The following NCALD variants were observed in gnomAD, a reference collection of about 807,000 sequenced individuals.
The protein encoded by NCALD is neurocalcin delta, also known as neurocalcin-delta.
In NCALD, 10 loss-of-function variants were observed where a neutral mutation model predicts 18.6. The observed-to-expected ratio is 0.54, with a 90% CI of 0.33 to 0.91. The LOEUF (loss-of-function observed/expected upper bound fraction) is 0.91, where lower values mean the gene tolerates loss of function less well. Ranked by LOEUF, NCALD falls within the 40% of genes least tolerant of loss-of-function variation. NCALD has a pLI of 0.03. For synonymous variants in NCALD, 88 were observed against 87.4 expected, an observed-to-expected ratio of 1.01 and a Z score of -0.04; for missense variants, 184 against 247.6, an observed-to-expected ratio of 0.74 and a Z score of 1.72.
chr8:102,000,690 T>C (rs546109236), intron 2 of NCALD, among the ~76,000 whole-genome samples: 1 of 152,304 alleles, frequency 6.6e-6, no homozygotes, highest in Non-Finnish European at 1.5e-5. Context: ...TCCAGAGGAA[T>C]GATCAGGCAA....
intron 3 of NCALD, among the ~76,000 whole-genome samples, chr8:101,893,568 C>T (rs1183211197): frequency 2.4e-5 from 3 of 125,010 alleles, no homozygotes; most frequent in Admixed American, 8.1e-5. Context: ...CACAGACTGG[C>T]AAATTGGATA....
At chr8:101,856,728 T>TA (rs1485163271) in intron 4 of NCALD, among the ~76,000 whole-genome samples, 1 of 152,128 alleles carries the variant, frequency 6.6e-6, no homozygotes, top group Non-Finnish European at 1.5e-5. Flanking sequence ...TCATCCTACT[T>TA]ACCCAGCCCC....
At chr8:101,894,061 A>C (rs992265483) in intron 3 of NCALD, among the ~76,000 whole-genome samples, 1 of 147,056 alleles carries the variant, frequency 6.8e-6, no homozygotes, top group African/African-American at 2.7e-5. Flanking sequence ...CAGAATATAC[A>C]TTTTTTTCAG....
At chr8:101,760,476 G>A (rs568573051) in intron 1 of NCALD, among the ~76,000 whole-genome samples, 1 of 152,286 alleles carries the variant, frequency 6.6e-6, no homozygotes, top group East Asian at 1.9e-4. Context: ...TAAAGTAAAT[G>A]CAAACTGACG....
At chr8:101,938,349 T>G (rs1818837547) in intron 2 of NCALD, among the ~76,000 whole-genome samples, 1 of 152,166 alleles carries the variant, frequency 6.6e-6, no homozygotes, top group South Asian at 2.1e-4. Context: ...TATGCCCACT[T>G]AAGAGATAGT....
At chr8:101,843,023 C>T (rs1814708374) in intron 4 of NCALD, among the ~76,000 whole-genome samples, 1 of 152,180 alleles carries the variant, frequency 6.6e-6, no homozygotes, top group Non-Finnish European at 1.5e-5. Flanking sequence ...TTCCCCTATC[C>T]TACTGATTAG....
At chr8:101,949,908 A>G (rs1819323866) in intron 2 of NCALD, among the ~76,000 whole-genome samples, 1 of 152,226 alleles carries the variant, frequency 6.6e-6, no homozygotes, top group African/African-American at 2.4e-5. Context: ...TCCAACAATC[A>G]TCCAGACTGA....
intron 1 of NCALD, among the ~76,000 whole-genome samples, chr8:102,055,945 A>G (rs1823635779): frequency 6.6e-6 from 1 of 152,214 alleles, no homozygotes; most frequent in Admixed American, 6.5e-5. Flanking sequence ...CATGGTCGGC[A>G]CAAAACAAAC....
At chr8:101,809,878 A>C (rs1813242727) in intron 4 of NCALD, among the ~76,000 whole-genome samples, 1 of 152,152 alleles carries the variant, frequency 6.6e-6, no homozygotes, top group East Asian at 1.9e-4. Flanking sequence ...TTTCAAGACC[A>C]TGAATCTCTC....
intron 1 of NCALD, among the ~76,000 whole-genome samples, chr8:102,115,460 C>A (rs972735972): frequency 6.6e-6 from 1 of 152,176 alleles, no homozygotes; most frequent in Non-Finnish European, 1.5e-5. Flanking sequence ...CCAGTTAATG[C>A]GATCAATGCA....
intron 1 of NCALD, among the ~76,000 whole-genome samples, chr8:101,734,810 T>C (rs572625789): frequency 1.4e-4 from 22 of 152,350 alleles, no homozygotes; most frequent in Non-Finnish European, 2.8e-4. Flanking sequence ...CCACAGTGTT[T>C]TCTAACTCCA....
intron 4 of NCALD, among the ~76,000 whole-genome samples, chr8:101,822,714 C>A (rs945832595): frequency 1.3e-5 from 2 of 152,204 alleles, no homozygotes; most frequent in Non-Finnish European, 2.9e-5. Context: ...GTAATTCCAG[C>A]AGGCAGAAAC....
chr8:102,031,192 G>C (rs149292037), intron 1 of NCALD, among the ~76,000 whole-genome samples: 3 of 152,238 alleles, frequency 2.0e-5, no homozygotes, highest in Admixed American at 6.5e-5. Flanking sequence ...GAAATGTACC[G>C]TAAGATTGCA....
chr8:101,965,672 G>A (rs1819999153), intron 2 of NCALD, among the ~76,000 whole-genome samples: 1 of 152,118 alleles, frequency 6.6e-6, no homozygotes, highest in South Asian at 2.1e-4. Flanking sequence ...TAGACAATGG[G>A]TTGATGGGTG....
At chr8:101,703,152 CT>C (rs11447285) in intron 2 of NCALD, among the ~76,000 whole-genome samples, 64,268 of 147,550 alleles carry the variant, frequency 0.44, 16,853 homozygotes, top group Non-Finnish European at 0.6. Context: ...CTCTGTTCCT[CT>C]TTTTTTTTTT....
chr8:102,082,220 C>CTTTTTTTTTTTTTTT (rs1824564429), intron 1 of NCALD, among the ~76,000 whole-genome samples: 2 of 124,790 alleles, frequency 1.6e-5, no homozygotes, highest in Admixed American at 7.7e-5. Flanking sequence ...ATTTGAGAAG[C>CTTTTTTTTTTTTTTT]TCTCTCTTTT....
intron 2 of NCALD, among the ~76,000 whole-genome samples, chr8:101,979,109 G>T (rs1431152678): frequency 2.6e-5 from 4 of 152,184 alleles, no homozygotes; most frequent in Non-Finnish European, 5.9e-5. Flanking sequence ...AGAAGCAGAA[G>T]GCAGATTTTC....
At chr8:101,828,784 T>C (rs920519930) in intron 4 of NCALD, among the ~76,000 whole-genome samples, 2 of 152,104 alleles carry the variant, frequency 1.3e-5, no homozygotes, top group Admixed American at 6.6e-5. Context: ...ATATTTTAAA[T>C]GATCTGTGTC....
At chr8:101,752,319 A>G (rs1406645120) in intron 1 of NCALD, among the ~76,000 whole-genome samples, 2 of 152,230 alleles carry the variant, frequency 1.3e-5, no homozygotes, top group African/African-American at 2.4e-5. Flanking sequence ...CAGCACCACT[A>G]CCTTAAAAAA....
Sources: allele counts gnomAD v4.1 joint callset (sites outside exome capture counted in the v4.1 genomes callset), GRCh38; gene constraint gnomAD v4.1.1; transcripts MANE v1.5; gene names NCBI Gene and HGNC (gene_info 2026-07-23, HGNC 2026-07-21).